Variants in STOX2 observed in about 807,000 individuals in gnomAD.
STOX2 encodes storkhead box 2, also known as storkhead-box protein 2.
STOX2 carries 28 observed loss-of-function variants against 60.9 expected under a neutral mutation model. The ratio of observed to expected loss-of-function variants is 0.46; its 90% confidence interval spans 0.34 to 0.63. STOX2 has a LOEUF of 0.63. Among genes scored for constraint, STOX2 ranks in the 30% least tolerant of loss-of-function variants. STOX2 has a pLI of 0.01. For synonymous variants in STOX2, 472 were observed against 463.9 expected (o/e 1.02, Z -0.22); for missense variants, 1,024 against 1,187.7 (o/e 0.86, Z 2.03).
intron 1 of STOX2, among the ~76,000 whole-genome samples, chr4:183,831,816 T>C (rs1171358385): frequency 6.6e-6 from 1 of 152,122 alleles, no homozygotes; most frequent in African/African-American, 2.4e-5. Flanking sequence ...AGTTTCTGTC[T>C]AGGTGGCTGT....
upstream of STOX2, among the ~76,000 whole-genome samples, chr4:183,902,575 C>T (rs1190774850): frequency 6.6e-6 from 1 of 152,164 alleles, no homozygotes; most frequent in African/African-American, 2.4e-5. Context: ...AGATCTGAAA[C>T]TGGGCCCAGG....
chr4:183,985,649 C>T (rs763665592), intron 1 of STOX2, among the ~76,000 whole-genome samples: 1 of 152,082 alleles, frequency 6.6e-6, no homozygotes, highest in Non-Finnish European at 1.5e-5. Flanking sequence ...CTCATCCCTT[C>T]GAGTATTTGG....
intron 1 of STOX2, among the ~76,000 whole-genome samples, chr4:183,801,848 A>G (rs1233388807): frequency 1.3e-5 from 2 of 152,154 alleles, no homozygotes; most frequent in East Asian, 3.9e-4. Flanking sequence ...GATCTGTGTT[A>G]CAATGAGAAT....
Position 184,009,582 on chromosome 4 carries a change from T to G in STOX2, c.744T>G (p.Tyr248Ter). Residue 248 changes from tyrosine (Y) to a stop codon, truncating the protein, a stop_gained, in exon 3 of 4, where the codon TAT becomes TAG. Coordinates refer to ENST00000308497, the MANE Select transcript of STOX2 (RefSeq NM_020225.3). LOFTEE classifies it high-confidence loss of function. This position sits in a 1 kb window ranked among gnomAD's most constrained non-coding sequence, Gnocchi z 4.0. ...EKSKSTVNFS[Y>*]KTETLSKPKD... is the part of the protein sequence containing the mutation. ...GCAAAAGTACTGTAAATTTTTCCTATAAGACAGAAACTCTCTCAAAACCTA... is the reference window on the plus strand; with the variant it reads ...GCAAAAGTACTGTAAATTTTTCCTAGAAGACAGAAACTCTCTCAAAACCTA... 6.2e-7 allele frequency: 1 copy of G among 1,613,848 alleles called. No individual in the cohort carries two copies. Among genetic ancestry groups the G allele is most frequent in the Non-Finnish European group, 8.5e-7 (1 of 1,179,826 alleles).
intron 1 of STOX2, among the ~76,000 whole-genome samples, chr4:183,851,137 T>A (rs1351948895): frequency 2.5e-5 from 1 of 40,496 alleles, no homozygotes; most frequent in Non-Finnish European, 5.3e-5. Context: ...AGGGAAACGA[T>A]GAGGGAAAGG....
intron 1 of STOX2, among the ~76,000 whole-genome samples, chr4:183,983,120 G>A (rs553369313): frequency 2.1e-4 from 32 of 152,070 alleles, no homozygotes; most frequent in African/African-American, 6.5e-4. Flanking sequence ...TAACCACATC[G>A]TCTCTGTTCA....
chr4:183,906,678 G>A lies in STOX2; in HGVS notation c.-113G>A. 8.2e-7 allele frequency: 1 copy of A among 1,220,560 alleles called. No homozygotes were observed. The highest frequency in any genetic ancestry group is 1.1e-6 in the Non-Finnish European group (1 of 906,652). 75.6% of individuals were successfully genotyped at this position (1,220,560 alleles called of 1,614,324 possible). ...GTAGACGCCGACGAGGAGGGGCTGG[G>A]AAAATGTGCGCAGAGTCCGCCCGGG... is the stretch of plus-strand genomic sequence containing the variant. On this transcript the variant is annotated 5_prime_UTR_variant, in exon 1 of 4. Transcript: ENST00000308497.
At chr4:183,917,047 C>T (rs1010940692) in intron 1 of STOX2, among the ~76,000 whole-genome samples, 7 of 152,194 alleles carry the variant, frequency 4.6e-5, no homozygotes, top group Admixed American at 2.6e-4. Context: ...TCTTTCAGGC[C>T]GTGGCTCGGG....
intron 1 of STOX2, among the ~76,000 whole-genome samples, chr4:183,809,401 A>G (rs1442017605): frequency 1.5e-5 from 2 of 134,242 alleles, no homozygotes; most frequent in African/African-American, 6.1e-5. Flanking sequence ...TCTGATTTTT[A>G]TTTTTATTTA....
rs1734489129 is a variant in STOX2 at position 184,019,282 on chromosome 4, A to G, written c.*1998A>G. On this transcript the variant is annotated 3_prime_UTR_variant, in exon 4 of 4. Coordinates refer to ENST00000308497, the MANE Select transcript of STOX2 (RefSeq NM_020225.3). ...CTTATTTCCTCCAAGGCATGCCTCA[A>G]CGCATTGTTTGTCTCATTGCTTAAA... The G allele has an allele frequency of 6.6e-6, 1 of 152,198 alleles. No homozygotes were observed. Among genetic ancestry groups the G allele is most frequent in the African/African-American group, 2.4e-5 (1 of 41,440 alleles). The allele number at this position is 152,198 out of a possible 1,614,324, so 9.4% of individuals were successfully genotyped here.
rs1553987519 is a variant in STOX2, at chr4:184,007,045, A to AAAAAC, written c.320-2110_320-2109insACAAA. Among the ~76,000 whole-genome samples the AAAAAC allele has an allele frequency of 1.1e-3, 127 of 118,410 alleles. 1 individual carries two copies. The highest frequency in any genetic ancestry group is 1.7e-3 in the African/African-American group (55 of 31,860). The allele number at this position is 118,410 out of a possible 152,430, so 77.7% of individuals were successfully genotyped here. On this transcript the variant is annotated intron_variant, in intron 2 of 3. Transcript: ENST00000308497. ...AAAAAAAAAAAAACAAAACAAAAAA[A>AAAAAC]AAATTTTGTTATTATTGGTCTTAAA...
chr4:183,977,416 AC>A (rs1732487971), intron 1 of STOX2, among the ~76,000 whole-genome samples: 1 of 152,168 alleles, frequency 6.6e-6, no homozygotes, highest in Admixed American at 6.5e-5. Flanking sequence ...TTATAACTGT[AC>A]TATAAATACA....
At chr4:183,846,602 C>CT (rs1449824824) in intron 1 of STOX2, among the ~76,000 whole-genome samples, 1 of 152,010 alleles carries the variant, frequency 6.6e-6, no homozygotes, top group African/African-American at 2.4e-5. Context: ...TTTATGGTTT[C>CT]TTTTTATAAT....
chr4:183,969,226 C>T (rs1579484316), intron 1 of STOX2, among the ~76,000 whole-genome samples: 1 of 152,226 alleles, frequency 6.6e-6, no homozygotes, highest in Middle Eastern at 3.4e-3. Context: ...CATGAACAGA[C>T]ATTAAGAGCT....
rs1741575030 is a variant in STOX2 at position 183,905,719 on chromosome 4, T to G, written c.-1072T>G. On this transcript the variant is annotated 5_prime_UTR_variant, in exon 1 of 4. The change abolishes an upstream ATG in the 5' untranslated region. Transcript: ENST00000308497. ...TTTTACATGAAAATGAGAAGCCTGATGGGAACCGCGTTCTAACTTAAGGCA... is the reference window on the plus strand; with the variant it reads ...TTTTACATGAAAATGAGAAGCCTGAGGGGAACCGCGTTCTAACTTAAGGCA... 1 of 152,290 alleles carries G rather than the reference T, an allele frequency of 6.6e-6. No individual in the cohort carries two copies. Among genetic ancestry groups the G allele is most frequent in the Non-Finnish European group, 1.5e-5 (1 of 68,152 alleles). The allele number at this position is 152,290 out of a possible 1,614,324, so 9.4% of individuals were successfully genotyped here. A position where few individuals can be genotyped will look rare whatever the true frequency, so the allele number is the denominator to read the frequency against.
chr4:183,989,197 T>TTTTTTG (rs1553985299), intron 1 of STOX2, among the ~76,000 whole-genome samples: 2 of 85,298 alleles, frequency 2.3e-5, no homozygotes, highest in Admixed American at 1.3e-4. Flanking sequence ...TTTTTTTGTT[T>TTTTTTG]GTTTGGTTTG....
chr4:183,843,319 G>A (rs181338925), intron 1 of STOX2, among the ~76,000 whole-genome samples: 15 of 152,242 alleles, frequency 9.9e-5, no homozygotes, highest in East Asian at 3.9e-4. Context: ...ACCCTGACCC[G>A]TAGGACTCCG....
At chr4:183,927,260 G>GC (rs996799759) in intron 1 of STOX2, among the ~76,000 whole-genome samples, 1 of 152,182 alleles carries the variant, frequency 6.6e-6, no homozygotes, top group African/African-American at 2.4e-5. Flanking sequence ...GTGTAGCCTG[G>GC]CCCCCATGCC....
intron 1 of STOX2, among the ~76,000 whole-genome samples, chr4:183,815,229 C>G (rs1255665584): frequency 6.6e-6 from 1 of 151,850 alleles, no homozygotes; most frequent in African/African-American, 2.4e-5. Context: ...CTCAAGCGAT[C>G]CTCCCGTCTC....
Sources: allele counts gnomAD v4.1 joint callset (sites outside exome capture counted in the v4.1 genomes callset), GRCh38; gene constraint gnomAD v4.1.1; non-coding constraint Gnocchi (gnomAD v3.1); transcripts MANE v1.5; gene names NCBI Gene and HGNC (gene_info 2026-07-23, HGNC 2026-07-21).